Variants in ACOT12 observed in about 807,000 individuals in gnomAD.
The protein encoded by ACOT12 is acyl-CoA thioesterase 12.
ACOT12 carries 51 observed loss-of-function variants against 67.7 expected under a neutral mutation model. The ratio of observed to expected loss-of-function variants is 0.75; its 90% CI spans 0.60 to 0.95. The LOEUF is 0.95. Among genes scored for constraint, ACOT12 ranks in the 40% least tolerant of loss-of-function variants. The pLI, the probability that ACOT12 is intolerant of heterozygous loss-of-function variation, is 0.00. For synonymous variants in ACOT12, 251 were observed against 244.6 expected, an observed-to-expected ratio of 1.03 and a Z score of -0.24; for missense variants, 734 against 708.1, an observed-to-expected ratio of 1.04 and a Z score of -0.41.
chr5:81,313,999 G>A, the ACOT12 span, among the ~76,000 whole-genome samples: 1 of 151,546 alleles, frequency 6.6e-6, no homozygotes, highest in African/African-American at 2.4e-5. Flanking sequence ...ATCAGGAGCA[G>A]AGTCTACAGC....
chr5:81,375,306 C>G (rs1416697050), intron 2 of ACOT12, among the ~76,000 whole-genome samples: 2 of 152,242 alleles, frequency 1.3e-5, no homozygotes, highest in Non-Finnish European at 2.9e-5. Context: ...GACACTGTCA[C>G]CCCCAGGGCT....
intron 12 of ACOT12, among the ~76,000 whole-genome samples, chr5:81,334,638 G>A (rs1471716537): frequency 6.6e-6 from 1 of 152,224 alleles, no homozygotes; most frequent in Non-Finnish European, 1.5e-5. Flanking sequence ...ATCACAGTGA[G>A]TTTTAGAAAA....
rs1020657320 is a variant in ACOT12 at position 81,335,516 on chromosome 5, C to T, written c.1262+252G>A. Among the ~76,000 whole-genome samples the T allele has an allele frequency of 7.9e-5, 12 of 152,128 alleles. No homozygotes were observed. The East Asian group carries it at 9.6e-4, about 12-fold the overall frequency. On this transcript the variant is annotated intron_variant, in intron 12 of 14. Transcript: ENST00000307624. ...GGTAGCTAGGATTACAGGCATGCAC[C>T]ACCATGTCCAGCTAATTTTTGTGTA...
chr5:81,310,667 G>C, the ACOT12 span, among the ~76,000 whole-genome samples: 2 of 152,202 alleles, frequency 1.3e-5, no homozygotes, highest in East Asian at 3.8e-4. Flanking sequence ...AAAGTAGGCA[G>C]GTGGGCATTT....
chr5:81,318,134 C>T, the ACOT12 span, among the ~76,000 whole-genome samples: 11 of 152,024 alleles, frequency 7.2e-5, no homozygotes, highest in Non-Finnish European at 1.3e-4. Flanking sequence ...CTGCCTGCCT[C>T]GGCCTCCCAA....
chr5:81,308,832 ATTAAATT>A, the ACOT12 span: 6 of 1,399,638 alleles, frequency 4.3e-6, no homozygotes, highest in African/African-American at 5.8e-5. Context: ...ATCATATGAG[ATTAAATT>A]TTAAGTTATG....
intron 2 of ACOT12, among the ~76,000 whole-genome samples, chr5:81,380,210 A>G (rs1240504348): frequency 6.6e-6 from 1 of 152,184 alleles, no homozygotes; most frequent in Non-Finnish European, 1.5e-5. Context: ...GAATTTGGCA[A>G]TGTTTAATAA....
At chr5:81,332,426 C>T (rs1225171364) in intron 13 of ACOT12, 51 bp downstream of exon 13, 3 of 1,576,118 alleles carry the variant, frequency 1.9e-6, no homozygotes, top group Middle Eastern at 1.7e-4. Context: ...CTTTTAATTT[C>T]TATCCTATAC....
intron 2 of ACOT12, among the ~76,000 whole-genome samples, chr5:81,380,681 GGAA>G (rs1760556247): frequency 6.6e-6 from 1 of 151,946 alleles, no homozygotes; most frequent in South Asian, 2.1e-4. Flanking sequence ...GCAAAAGACT[GGAA>G]ACAATATAAA....
chr5:81,375,834 T>C (rs1346649924), intron 2 of ACOT12, among the ~76,000 whole-genome samples: 1 of 152,158 alleles, frequency 6.6e-6, no homozygotes, highest in African/African-American at 2.4e-5. Context: ...CCCAGATTCA[T>C]AGAGAAAGTT....
chr5:81,387,334 C>A (rs562865430), intron 1 of ACOT12, among the ~76,000 whole-genome samples: 1 of 152,068 alleles, frequency 6.6e-6, no homozygotes, highest in South Asian at 2.1e-4. Context: ...AGAGATCCAG[C>A]CATAGTCAGT....
At chr5:81,320,960 GA>G in the ACOT12 span, among the ~76,000 whole-genome samples, 3 of 152,152 alleles carry the variant, frequency 2.0e-5, no homozygotes, top group African/African-American at 7.2e-5. Context: ...TGGTTCAATA[GA>G]TAGTGCCTTC....
chr5:81,384,025 A>G (rs1170435614), intron 2 of ACOT12, among the ~76,000 whole-genome samples: 1 of 151,120 alleles, frequency 6.6e-6, no homozygotes, highest in Non-Finnish European at 1.5e-5. Flanking sequence ...GGGCCTTCAT[A>G]TTTGCTCAGC....
chr5:81,312,175 A>T, the ACOT12 span, among the ~76,000 whole-genome samples: 1 of 152,240 alleles, frequency 6.6e-6, no homozygotes, highest in African/African-American at 2.4e-5. Context: ...CAGATGTTGT[A>T]TAATTTCACA....
chr5:81,358,693 T>C (rs140478637), intron 5 of ACOT12, among the ~76,000 whole-genome samples: 2,927 of 152,038 alleles, frequency 0.019, 86 homozygotes, highest in African/African-American at 0.065. Flanking sequence ...CTACTAAAAA[T>C]ACAAAATTAG....
rs1298186754 is a variant in ACOT12 at position 81,334,964 on chromosome 5, C to G, written c.1262+804G>C. ...TCAGGAGGGGGAGCAGGAAGGCATG[C>G]CTTTCACCTCGGGGCTCACACAGCT... On this transcript the variant is annotated intron_variant, in intron 12 of 14. Transcript: ENST00000307624. Among the ~76,000 whole-genome samples the G allele has an allele frequency of 2.0e-5, 3 of 152,304 alleles. No homozygotes were observed. The East Asian group carries it at 5.8e-4, about 29-fold the overall frequency.
At chr5:81,383,840 TAAGCTCAGTATTATTACAAAAGAATCA>T in intron 2 of ACOT12, among the ~76,000 whole-genome samples, 1 of 152,240 alleles carries the variant, frequency 6.6e-6, no homozygotes, top group African/African-American at 2.4e-5. Flanking sequence ...GCTTGTGTTT[TAAGCTCAGTATTATTACAAAAGAATCA>T]AAAAGATTTT....
the ACOT12 span, among the ~76,000 whole-genome samples, chr5:81,322,284 A>G: frequency 5.3e-5 from 8 of 152,192 alleles, no homozygotes; most frequent in Non-Finnish European, 1.2e-4. Context: ...CAGAGAGAAA[A>G]TACATTACCT....
In ACOT12 at chr5:81,347,852, G is replaced by A; in HGVS notation, c.575C>T (p.Pro192Leu). The change falls in exon 6 of 15, where the codon CCC (proline) becomes CTC (leucine). Residue 192 changes from proline to leucine, a missense_variant. Physicochemically the swap from Pro to Leu is moderately conservative, Grantham distance 98. Transcript: ENST00000307624. ...SVQSIELVLP[P>L]HANHHGNTFG... Reference sequence around the variant, plus strand: ...TGTATTTCCGTGATGGTTTGCATGGGGTGGGAGGACCAGTTCAATGCTCTG... The same window carrying A: ...TGTATTTCCGTGATGGTTTGCATGGAGTGGGAGGACCAGTTCAATGCTCTG... The A allele has an allele frequency of 6.2e-7, 1 of 1,614,154 alleles. No individual in the cohort carries two copies. Among genetic ancestry groups the A allele is most frequent in the Non-Finnish European group, 8.5e-7 (1 of 1,180,018 alleles).
Sources: allele counts gnomAD v4.1 joint callset (sites outside exome capture counted in the v4.1 genomes callset), GRCh38; gene constraint gnomAD v4.1.1; transcripts MANE v1.5; gene names NCBI Gene and HGNC (gene_info 2026-07-23, HGNC 2026-07-21).